CASC3: variants seen among roughly 807,000 people sequenced by gnomAD.
CASC3 encodes CASC3 exon junction complex subunit.
Under a neutral mutation model 80.5 loss-of-function variants are expected in CASC3, and 30 were observed. The ratio of observed to expected loss-of-function variants is 0.37; its 90% CI spans 0.28 to 0.51. CASC3 has a LOEUF of 0.51. CASC3 is among the 20% of genes least tolerant of loss of function. CASC3 has a pLI of 0.94. For synonymous variants in CASC3, 312 were observed against 333.6 expected, an observed-to-expected ratio of 0.94 and a Z score of 0.70; for missense variants, 824 against 922.2, an observed-to-expected ratio of 0.89 and a Z score of 1.38.
Position 40,168,386 on chromosome 17 carries a change from C to G in CASC3, c.1934C>G (p.Pro645Arg), listed in dbSNP as rs769834837. The G allele has an allele frequency of 9.9e-6, 16 of 1,614,086 alleles. No individual in the cohort carries two copies. The highest frequency in any genetic ancestry group is 1.4e-5 in the Non-Finnish European group (16 of 1,179,990). Residue 645 changes from proline (P) to arginine (R), a missense_variant, in exon 11 of 14, where the codon CCA (proline) becomes CGA (arginine). Physicochemically the swap from Pro to Arg is moderately radical, Grantham distance 103 (BLOSUM62 -2). This residue lies in a region of CASC3 where 464 missense variants were observed against 506.0 expected (regional missense o/e 0.92). Transcript: ENST00000264645. The part of the protein sequence containing the change: ...YPYAPGALPP[P>R]PPPHLYPNTQ... ...TATGCTCCAGGGGCACTGCCTCCCC[C>G]ACCACCGCCTCATCTGTATCCTAAT...
At position 40,162,061 on chromosome 17, in the gene CASC3, T is replaced by G. The variant is rs748740057; in HGVS notation, c.516T>G (p.Asp172Glu). ...VGKKGPKHLDDDEDRKNPAYI... is the reference protein window; with the variant it reads ...VGKKGPKHLDEDEDRKNPAYI... Reference sequence around the variant, plus strand: ...AAAAGGGCCCTAAGCATTTGGATGATGATGAAGATCGGAAGAATCCAGCAT... The same window carrying G: ...AAAAGGGCCCTAAGCATTTGGATGAGGATGAAGATCGGAAGAATCCAGCAT... The change falls in exon 5 of 14, where the codon GAT becomes GAG. Residue 172 changes from aspartate (D) to glutamate (E), a missense_variant. By Grantham distance (45) the Asp-to-Glu change is conservative (BLOSUM62 2). This residue lies in a region of CASC3 where 201 missense variants were observed against 294.1 expected (regional missense o/e 0.68). Transcript: ENST00000264645. 1 of 1,614,098 alleles carries G rather than the reference T, an allele frequency of 6.2e-7. No individual in the cohort carries two copies. Among genetic ancestry groups the G allele is most frequent in the Non-Finnish European group, 8.5e-7 (1 of 1,180,014 alleles).
At chr17:40,161,564 A>C (rs1989299233) in intron 3 of CASC3, among the ~76,000 whole-genome samples, 189 bp from the exon 4 acceptor site, 1 of 152,054 alleles carries the variant, frequency 6.6e-6, no homozygotes, top group South Asian at 2.1e-4. Context: ...CTATAATCCC[A>C]GCTATTTAGG....
Position 40,170,571 on chromosome 17 carries a change from T to C in CASC3, c.*166T>C, listed in dbSNP as rs1415156294. ...AAAGAGGAGGACCCCTGCCTTCCTC[T>C]GAGGACAGGCTCTAGAGAGAGGGAG... On this transcript the variant is annotated 3_prime_UTR_variant, in exon 14 of 14. Transcript: ENST00000264645. 1.0e-6 allele frequency: 1 copy of C among 985,464 alleles called. No homozygotes were observed. Among genetic ancestry groups the C allele is most frequent in the Non-Finnish European group, 1.2e-6 (1 of 829,970 alleles). The allele number at this position is 985,464 out of a possible 1,614,324, so 61.0% of individuals were successfully genotyped here. A position where few individuals can be genotyped will look rare whatever the true frequency, so the allele number is the denominator to read the frequency against.
In CASC3 at chr17:40,154,980, C is replaced by G. The variant is rs142225437; in HGVS notation, c.298-6773C>G. Reference sequence around the variant, plus strand: ...TCTAGGTTCACTGCAAGCTCTGCCTCCCGGGTTCATGCCATTCTCCTGCCT... The same window carrying G: ...TCTAGGTTCACTGCAAGCTCTGCCTGCCGGGTTCATGCCATTCTCCTGCCT... On this transcript the variant is annotated intron_variant, in intron 3 of 13. Transcript: ENST00000264645. 1.4e-3 allele frequency among the ~76,000 whole-genome samples: 217 copies of G among 152,080 alleles called. 1 individual carries two copies. The highest frequency in any genetic ancestry group is 0.014 in the Middle Eastern group (4 of 294).
At chr17:40,162,622 A>G (rs1333499092) in intron 5 of CASC3, 103 bp from the exon 6 acceptor site, 1 of 1,043,320 alleles carries the variant, frequency 9.6e-7, no homozygotes, top group Non-Finnish European at 1.4e-6. Flanking sequence ...GAGACTACGT[A>G]AAGTTCCTAT....
chr17:40,164,877 T>G (rs1440398072), intron 7 of CASC3, among the ~76,000 whole-genome samples: 1 of 146,672 alleles, frequency 6.8e-6, no homozygotes, highest in Non-Finnish European at 1.5e-5. Flanking sequence ...TGCCTCAGCC[T>G]CCTGAGTAGC....
In CASC3 at chr17:40,161,852, G is replaced by A; in HGVS notation, c.397G>A (p.Glu133Lys). Residue 133 changes from glutamate (E) to lysine (K), a missense_variant, in exon 4 of 14, where the codon GAA becomes AAA. Physicochemically the swap from Glu to Lys is moderately conservative, Grantham distance 56. This residue lies in a region of CASC3 where 201 missense variants were observed against 294.1 expected (regional missense o/e 0.68). Transcript: ENST00000264645. ...TTCTTCAACAAAAGAAGAGAAGGGA[G>A]AAGAAAAGCCTGACACCAAAAGCAC... ...VNSSTKEEKG[E>K]EKPDTKSTVT... is the part of the protein sequence containing the mutation. 1 of 1,614,220 alleles carries A rather than the reference G, an allele frequency of 6.2e-7. No individual in the cohort carries two copies. Among genetic ancestry groups the A allele is most frequent in the Non-Finnish European group, 8.5e-7 (1 of 1,180,038 alleles).
chr17:40,149,849 C>T (rs548404803), intron 3 of CASC3, among the ~76,000 whole-genome samples: 31 of 151,398 alleles, frequency 2.0e-4, no homozygotes, highest in Middle Eastern at 3.4e-3. Context: ...ACTAAAAATA[C>T]AAAAAATTAG....
At chr17:40,159,907 G>T (rs1399316588) in intron 3 of CASC3, among the ~76,000 whole-genome samples, 4 of 151,644 alleles carry the variant, frequency 2.6e-5, no homozygotes, top group Non-Finnish European at 5.9e-5. Context: ...GTAGAGACAG[G>T]GTTTCACCAT....
At chr17:40,166,045 C>G (rs1598431117) in intron 7 of CASC3, among the ~76,000 whole-genome samples, 1 of 152,116 alleles carries the variant, frequency 6.6e-6, no homozygotes. Context: ...GGCTTATAAG[C>G]ATGAGCCACT....
Position 40,163,720 on chromosome 17 carries a change from C to A in CASC3, c.1025C>A (p.Thr342Asn). Residue 342 changes from threonine to asparagine, a missense_variant, in exon 7 of 14, where the codon ACT (threonine) becomes AAT (asparagine). By Grantham distance (65) the Thr-to-Asn change is moderately conservative. This residue lies in a region of CASC3 where 464 missense variants were observed against 506.0 expected (regional missense o/e 0.92). Transcript: ENST00000264645. Reference protein sequence around the residue: ...GGQHGGRSGETVKHEISYRSR... With the variant: ...GGQHGGRSGENVKHEISYRSR... The stretch of plus-strand genomic sequence containing the variant: ...CAGCATGGTGGCCGGTCTGGTGAGA[C>A]TGTTAAGCATGAGATTAGTTACCGG... The A allele has an allele frequency of 1.2e-6, 2 of 1,614,154 alleles. No homozygotes were observed. The highest frequency in any genetic ancestry group is 1.7e-6 in the Non-Finnish European group (2 of 1,180,032).
chr17:40,141,874 G>C (rs900641348), intron 3 of CASC3, among the ~76,000 whole-genome samples: 2 of 152,158 alleles, frequency 1.3e-5, no homozygotes, highest in Non-Finnish European at 2.9e-5. Flanking sequence ...AAGAGAGTGA[G>C]GATATCTTGA....
intron 3 of CASC3, among the ~76,000 whole-genome samples, chr17:40,142,773 C>T (rs901358531): frequency 3.3e-5 from 5 of 151,928 alleles, no homozygotes; most frequent in African/African-American, 7.3e-5. Context: ...TGGTGGCGGG[C>T]GCCTGTAGTC....
At chr17:40,141,411 C>T (rs760113691) in intron 2 of CASC3, 159 bp from the exon 3 acceptor site, 203 of 830,184 alleles carry the variant, frequency 2.4e-4, no homozygotes, top group Non-Finnish European at 3.6e-4. Context: ...AGCAAGTTAC[C>T]CTCTGAGCCT....
chr17:40,155,252 ATTTTGTTTTG>A (rs1302922239), intron 3 of CASC3, among the ~76,000 whole-genome samples: 1 of 145,978 alleles, frequency 6.9e-6, no homozygotes, highest in East Asian at 2.1e-4. Context: ...GTAAGGTTTT[ATTTTGTTTTG>A]TTTTGTTTTT....
At chr17:40,168,839 C>G (rs980370044) in intron 11 of CASC3, 1 of 222,818 alleles carries the variant, frequency 4.5e-6, no homozygotes, top group Non-Finnish European at 9.1e-6. Flanking sequence ...ATCCACCTGC[C>G]TCGGCCTCCG....
intron 7 of CASC3, among the ~76,000 whole-genome samples, chr17:40,164,420 C>G (rs995614317): frequency 6.6e-6 from 1 of 151,514 alleles, no homozygotes; most frequent in African/African-American, 2.4e-5. Flanking sequence ...CACACCACCA[C>G]GCCCAGCTAA....
In CASC3 at chr17:40,140,667, CCGGAGGCGG is replaced by C. The variant is rs1434765049; in HGVS notation, c.123_131del (p.Gly42_Gly44del). 2 of 1,604,302 alleles carry C rather than the reference CCGGAGGCGG, an allele frequency of 1.2e-6. No homozygotes were observed. Among genetic ancestry groups the C allele is most frequent in the Non-Finnish European group, 1.7e-6 (2 of 1,176,808 alleles). ...GGAGGCGGGAGCTGCAGCGGTAGCG[CCGGAGGCGG>C]CGGCAGCGGCTCTCTGCCTTCACAG... On this transcript the variant is annotated inframe_deletion, in exon 1 of 14. Transcript: ENST00000264645.
rs937104404 is a variant in CASC3 at position 40,170,788 on chromosome 17, A to G, written c.*383A>G. On this transcript the variant is annotated 3_prime_UTR_variant, in exon 14 of 14. Transcript: ENST00000264645. The stretch of plus-strand genomic sequence containing the variant: ...CTCCTTCCTGTTTGTTTTGTTTTCT[A>G]AGATGTTCATTTTTAAAGCCTGGCT... The G allele has an allele frequency of 1.0e-6, 1 of 985,154 alleles. No individual in the cohort carries two copies. Among genetic ancestry groups the G allele is most frequent in the African/African-American group, 1.7e-5 (1 of 57,172 alleles). The allele number at this position is 985,154 out of a possible 1,614,324, so 61.0% of individuals were successfully genotyped here.
Sources: gnomAD v4.1 joint callset for allele counts (sites outside exome capture counted in the v4.1 genomes callset) on GRCh38, gnomAD v4.1.1 for gene constraint, gnomAD v4.1.1 regional missense constraint, MANE v1.5 for transcripts, NCBI Gene and HGNC (gene_info 2026-07-23, HGNC 2026-07-21) for gene names.